The following ROBO1 variants were observed in gnomAD, a reference collection of about 807,000 sequenced individuals.
ROBO1 encodes roundabout guidance receptor 1.
Under a neutral mutation model 195.9 loss-of-function variants are expected in ROBO1, and 149 were observed. The ratio of observed to expected loss-of-function variants is 0.76; its 90% confidence interval spans 0.67 to 0.87. ROBO1 has a LOEUF of 0.87. Ranked by LOEUF, ROBO1 falls within the 40% of genes least tolerant of loss-of-function variation. The probability of loss-of-function intolerance (pLI) is 0.00; values close to 1 mark genes in which losing one functional copy is unlikely to be tolerated. For synonymous variants in ROBO1, 816 were observed against 733.2 expected, an observed-to-expected ratio of 1.11 and a Z score of -1.82; for missense variants, 1,933 against 2,068.3, an observed-to-expected ratio of 0.93 and a Z score of 1.27.
rs371122304 is a variant in ROBO1 at position 78,946,378 on chromosome 3, A to G, written c.173-7451T>C. Reference sequence around the variant, plus strand: ...GTGGGGACCAATATTCAACATTCTTAAAGAAAAGAATTTTCAACCCACAAT... The same window carrying G: ...GTGGGGACCAATATTCAACATTCTTGAAGAAAAGAATTTTCAACCCACAAT... On this transcript the variant is annotated intron_variant, in intron 3 of 30. Transcript: ENST00000464233. Among the ~76,000 whole-genome samples the G allele has an allele frequency of 2.6e-5, 4 of 152,224 alleles. No individual in the cohort carries two copies. In the East Asian group the frequency reaches 7.7e-4, roughly 29 times the overall value.
At chr3:79,649,695 T>G (rs938841936) in intron 1 of ROBO1, among the ~76,000 whole-genome samples, 8 of 152,098 alleles carry the variant, frequency 5.3e-5, no homozygotes, top group African/African-American at 1.9e-4. Context: ...TTGTTGGGTA[T>G]ATCTCTGAGG....
intron 4 of ROBO1, among the ~76,000 whole-genome samples, chr3:78,898,332 TAGAG>T (rs2037365460): frequency 6.8e-6 from 1 of 147,892 alleles, no homozygotes; most frequent in Non-Finnish European, 1.5e-5. Context: ...ACTATATATA[TAGAG>T]AGAGAGACAG....
chr3:78,987,720 T>C lies in ROBO1; in HGVS notation c.173-48793A>G, dbSNP rs113867047. Among the ~76,000 whole-genome samples, 1,081 of 152,132 alleles carry C rather than the reference T, an allele frequency of 7.1e-3. 10 individuals carry two copies. Among genetic ancestry groups the C allele is most frequent in the African/African-American group, 0.022 (921 of 41,526 alleles). ...AGCAAAACAGGGTGACTATAGTCAA[T>C]AAGAACTTAATTATGCATTTTAAAA... On this transcript the variant is annotated intron_variant, in intron 3 of 30. Transcript: ENST00000464233.
At chr3:78,978,206 A>G (rs1013845589) in intron 3 of ROBO1, among the ~76,000 whole-genome samples, 1 of 152,112 alleles carries the variant, frequency 6.6e-6, no homozygotes, top group Non-Finnish European at 1.5e-5. Context: ...AAAAACCAGT[A>G]AACATATATG....
chr3:79,029,823 T>C (rs2078261998), intron 3 of ROBO1, among the ~76,000 whole-genome samples: 1 of 152,220 alleles, frequency 6.6e-6, no homozygotes, highest in Admixed American at 6.5e-5. Flanking sequence ...GTGATGATCC[T>C]AGAACAACAT....
chr3:79,737,220 A>C (rs1261665446), intron 1 of ROBO1, among the ~76,000 whole-genome samples: 1 of 152,194 alleles, frequency 6.6e-6, no homozygotes, highest in Non-Finnish European at 1.5e-5. Flanking sequence ...GAGATAGAGA[A>C]GTTCAGACAA....
At chr3:79,010,837 C>T (rs1191869005) in intron 3 of ROBO1, among the ~76,000 whole-genome samples, 3 of 152,148 alleles carry the variant, frequency 2.0e-5, no homozygotes, top group Non-Finnish European at 2.9e-5. Flanking sequence ...AATGCCCCTC[C>T]TATTTGCATA....
intron 2 of ROBO1, among the ~76,000 whole-genome samples, chr3:79,193,743 T>C (rs114246354): frequency 0.021 from 3,167 of 151,514 alleles, 58 homozygotes; most frequent in Middle Eastern, 0.024. Flanking sequence ...TTGATATCAA[T>C]GAATTACAGA....
chr3:78,957,302 C>CA (rs397874209), intron 3 of ROBO1, among the ~76,000 whole-genome samples: 10,453 of 94,622 alleles, frequency 0.11, 382 homozygotes, highest in Middle Eastern at 0.17. Context: ...ACAAGAATGC[C>CA]AAAAAAAAAA....
At chr3:79,527,252 T>G (rs1375167704) in intron 2 of ROBO1, among the ~76,000 whole-genome samples, 1 of 152,116 alleles carries the variant, frequency 6.6e-6, no homozygotes, top group Non-Finnish European at 1.5e-5. Flanking sequence ...TCAAAAAAAT[T>G]TTGGAAAGTC....
chr3:78,985,834 C>T (rs1014743961), intron 3 of ROBO1, among the ~76,000 whole-genome samples: 14 of 152,136 alleles, frequency 9.2e-5, no homozygotes, highest in East Asian at 1.9e-4. Context: ...CAAACAAAGC[C>T]TGGGAAATAC....
intron 2 of ROBO1, among the ~76,000 whole-genome samples, chr3:79,353,720 A>C (rs1324621264): frequency 6.6e-6 from 1 of 152,158 alleles, no homozygotes; most frequent in Non-Finnish European, 1.5e-5. Flanking sequence ...TGGAGGATGC[A>C]CAAGAAGCTA....
chr3:78,968,263 T>C (rs1480216253), intron 3 of ROBO1, among the ~76,000 whole-genome samples: 2 of 149,148 alleles, frequency 1.3e-5, no homozygotes, highest in African/African-American at 4.9e-5. Flanking sequence ...ATAGGAACTG[T>C]ATAGATTCTT....
chr3:79,696,752 T>A (rs1947461178), intron 1 of ROBO1, among the ~76,000 whole-genome samples: 1 of 151,458 alleles, frequency 6.6e-6, no homozygotes, highest in East Asian at 1.9e-4. Flanking sequence ...TACTTTCTCA[T>A]AGACTGTCAT....
chr3:79,609,073 A>G (rs1944577165), intron 1 of ROBO1, among the ~76,000 whole-genome samples: 1 of 151,936 alleles, frequency 6.6e-6, no homozygotes, highest in Admixed American at 6.6e-5. Context: ...GGTCCTTACA[A>G]AATGCTGGCA....
At chr3:79,149,984 C>T (rs2080734568) in intron 2 of ROBO1, among the ~76,000 whole-genome samples, 1 of 151,710 alleles carries the variant, frequency 6.6e-6, no homozygotes, top group Admixed American at 6.6e-5. Context: ...GGTAAAGCTC[C>T]TGGAGGTAAA....
At chr3:79,384,005 T>C (rs1280130381) in intron 2 of ROBO1, among the ~76,000 whole-genome samples, 1 of 152,008 alleles carries the variant, frequency 6.6e-6, no homozygotes, top group Non-Finnish European at 1.5e-5. Context: ...TTAGAGATAA[T>C]TTCACTTTTT....
intron 21 of ROBO1, among the ~76,000 whole-genome samples, chr3:78,643,331 C>T (rs1312127559): frequency 6.6e-6 from 1 of 152,108 alleles, no homozygotes. Flanking sequence ...TGGATTTGGC[C>T]CAAGAGCCAT....
At chr3:79,571,408 G>A (rs1943275271) in intron 2 of ROBO1, among the ~76,000 whole-genome samples, 1 of 152,018 alleles carries the variant, frequency 6.6e-6, no homozygotes, top group Non-Finnish European at 1.5e-5. Flanking sequence ...TATATGGGAA[G>A]TTAAAGATTT....
Sources: gnomAD v4.1 joint callset for allele counts (sites outside exome capture counted in the v4.1 genomes callset) on GRCh38, gnomAD v4.1.1 for gene constraint, MANE v1.5 for transcripts, NCBI Gene and HGNC (gene_info 2026-07-23, HGNC 2026-07-21) for gene names.